Variants in FOXP4 observed in about 807,000 individuals in gnomAD.
FOXP4 encodes forkhead box P4, also known as forkhead box protein P4.
FOXP4 carries 25 observed loss-of-function variants against 82.6 expected under a neutral mutation model. The observed-to-expected ratio is 0.30, with a 90% CI of 0.22 to 0.42. FOXP4 has a LOEUF of 0.42. Among genes scored for constraint, FOXP4 ranks in the 10% least tolerant of loss-of-function variants. The probability of loss-of-function intolerance (pLI) is 1.00; values close to 1 mark genes in which losing one functional copy is unlikely to be tolerated. For missense variants in FOXP4, 785 were observed against 900.9 expected, an observed-to-expected ratio of 0.87 and a Z score of 1.65; for synonymous variants, 415 against 388.2, an observed-to-expected ratio of 1.07 and a Z score of -0.81.
In FOXP4 at chr6:41,555,710, G is replaced by T. The variant is rs1764238358; in HGVS notation, c.-17+8843G>T. On this transcript the variant is annotated intron_variant, in intron 1 of 16. Coordinates refer to ENST00000307972, the MANE Select transcript of FOXP4 (RefSeq NM_001012426.2). ...CCAAACTTGGCATTCGGCTCCTCTT[G>T]CCCTCATCTTTCCCAGCTCCGAATC... Among the ~76,000 whole-genome samples the T allele has an allele frequency of 2.6e-5, 4 of 152,160 alleles. No individual in the cohort carries two copies. The South Asian group carries it at 8.3e-4, about 32-fold the overall frequency.
chr6:41,554,501 A>G (rs1261494310), intron 1 of FOXP4, among the ~76,000 whole-genome samples: 2 of 152,200 alleles, frequency 1.3e-5, no homozygotes, highest in Non-Finnish European at 2.9e-5. Context: ...CAGCTTTGAC[A>G]TGGAGATTCA....
At chr6:41,575,600 C>G (rs1765436560) in intron 2 of FOXP4, among the ~76,000 whole-genome samples, 1 of 152,140 alleles carries the variant, frequency 6.6e-6, no homozygotes, top group Non-Finnish European at 1.5e-5. Flanking sequence ...AGGAATGAGA[C>G]TGCAAGGCCT....
chr6:41,566,735 C>A (rs1322448548), intron 2 of FOXP4, among the ~76,000 whole-genome samples: 1 of 152,190 alleles, frequency 6.6e-6, no homozygotes, highest in Non-Finnish European at 1.5e-5. Context: ...ACAGCCCTGG[C>A]CTTGGGATTC....
chr6:41,590,569 GTTC>G (rs1249205490), intron 12 of FOXP4, among the ~76,000 whole-genome samples: 10 of 152,230 alleles, frequency 6.6e-5, no homozygotes, highest in African/African-American at 9.6e-5. Flanking sequence ...TGCACACACT[GTTC>G]TTCTTACTGA....
intron 3 of FOXP4, among the ~76,000 whole-genome samples, chr6:41,582,761 G>A (rs928057290): frequency 6.6e-6 from 1 of 152,160 alleles, no homozygotes; most frequent in Non-Finnish European, 1.5e-5. Flanking sequence ...GGCTTTCAGA[G>A]AGTCCTTCTA....
At chr6:41,560,213 A>C (rs1764489641) in intron 1 of FOXP4, among the ~76,000 whole-genome samples, 1 of 152,098 alleles carries the variant, frequency 6.6e-6, no homozygotes, top group South Asian at 2.1e-4. Context: ...AGGGAGGATC[A>C]CTTGAGCCCA....
chr6:41,568,425 G>T (rs1765003518), intron 2 of FOXP4, among the ~76,000 whole-genome samples: 1 of 152,244 alleles, frequency 6.6e-6, no homozygotes, highest in Admixed American at 6.5e-5. Flanking sequence ...TCAGGGCTCA[G>T]CACACCTGCC....
chr6:41,584,705 C>G, intron 3 of FOXP4, 64 bp from the exon 4 acceptor site: 1 of 1,506,038 alleles, frequency 6.6e-7, no homozygotes, highest in South Asian at 1.3e-5. Context: ...AGAGTGGGGC[C>G]CTGGGTGGTG....
intron 1 of FOXP4, among the ~76,000 whole-genome samples, chr6:41,559,629 G>A (rs114881054): frequency 0.012 from 1,822 of 152,280 alleles, 26 homozygotes; most frequent in African/African-American, 0.039. Context: ...GTTCAGTAGC[G>A]TCCACATTTC....
intron 13 of FOXP4, among the ~76,000 whole-genome samples, chr6:41,592,028 G>A (rs1305620174): frequency 2.0e-5 from 3 of 151,970 alleles, no homozygotes; most frequent in Non-Finnish European, 4.4e-5. Flanking sequence ...TCTCAAGGTG[G>A]GAAGGTGATA....
At chr6:41,571,661 C>A (rs1765207202) in intron 2 of FOXP4, among the ~76,000 whole-genome samples, 1 of 152,178 alleles carries the variant, frequency 6.6e-6, no homozygotes, top group African/African-American at 2.4e-5. Flanking sequence ...AAATTTACAG[C>A]CTTTTCCAAA....
At chr6:41,596,028 G>C (rs2127406622) in intron 14 of FOXP4, among the ~76,000 whole-genome samples, 1 of 152,294 alleles carries the variant, frequency 6.6e-6, no homozygotes, top group East Asian at 1.9e-4. Context: ...CTCCCGAGAA[G>C]CTGAAATTAC....
At chr6:41,573,268 C>T (rs1171671110) in intron 2 of FOXP4, among the ~76,000 whole-genome samples, 2 of 152,096 alleles carry the variant, frequency 1.3e-5, no homozygotes, top group East Asian at 3.9e-4. Context: ...ACCCCGAATT[C>T]CCAGAACCAG....
At chr6:41,579,706 A>G (rs946966771) in intron 3 of FOXP4, among the ~76,000 whole-genome samples, 5 of 152,228 alleles carry the variant, frequency 3.3e-5, no homozygotes, top group Non-Finnish European at 5.9e-5. Flanking sequence ...TCAGAGTCAG[A>G]AAGACAGATA....
At chr6:41,589,650 A>G (rs1462909246) in intron 9 of FOXP4, 121 bp from the exon 10 acceptor site, 17 of 973,642 alleles carry the variant, frequency 1.7e-5, no homozygotes, top group Non-Finnish European at 2.3e-5. Context: ...ATGCTGAGGC[A>G]AGGAGGCGAA....
chr6:41,590,265 C>T lies in FOXP4; in HGVS notation c.1358-6C>T, dbSNP rs1766429007. 6.2e-7 allele frequency: 1 copy of T among 1,614,010 alleles called. No individual in the cohort carries two copies. On this transcript the variant is annotated splice_polypyrimidine_tract_variant and splice_region_variant and intron_variant, in intron 11 of 16. Coordinates refer to ENST00000307972, the MANE Select transcript of FOXP4 (RefSeq NM_001012426.2). ...TGGCTACCTCATCCTCTGCCTGTCT[C>T]CCCAGAGCTGGCCCAGAATCATGAG...
At chr6:41,597,731 T>C (rs1426241213) in intron 15 of FOXP4, 50 bp from the exon 16 acceptor site, 1 of 1,579,002 alleles carries the variant, frequency 6.3e-7, no homozygotes, top group Admixed American at 1.8e-5. Context: ...TGACTGAGTG[T>C]GCCCCATCCT....
In FOXP4 at chr6:41,558,193, A is replaced by T. The variant is rs1008420626; in HGVS notation, c.-16-7552A>T. On this transcript the variant is annotated intron_variant, in intron 1 of 16. Transcript: ENST00000307972. The surrounding 1 kb of genome is among the most constrained non-coding windows in gnomAD (Gnocchi z 4.0). Reference sequence around the variant, plus strand: ...GGAGAGGGATTAAGCCTACTCTCGAACTCACAGAGCCCCATGTGTTTGGGG... The same window carrying T: ...GGAGAGGGATTAAGCCTACTCTCGATCTCACAGAGCCCCATGTGTTTGGGG... 6.6e-6 allele frequency among the ~76,000 whole-genome samples: 1 copy of T among 152,114 alleles called. No homozygotes were observed. Among genetic ancestry groups the T allele is most frequent in the African/African-American group, 2.4e-5 (1 of 41,412 alleles).
chr6:41,598,994 C>A lies in FOXP4; in HGVS notation c.*58C>A. 1 of 1,473,904 alleles carries A rather than the reference C, an allele frequency of 6.8e-7. No homozygotes were observed. Among genetic ancestry groups the A allele is most frequent in the South Asian group, 1.4e-5 (1 of 69,936 alleles). 91.3% of individuals were successfully genotyped at this position (1,473,904 alleles called of 1,614,324 possible). Reference sequence around the variant, plus strand: ...ACCCCTCCCTTCCAGAATCCAGGCCCCATCTCCCCCAACTCCACAGCCCCT... The same window carrying A: ...ACCCCTCCCTTCCAGAATCCAGGCCACATCTCCCCCAACTCCACAGCCCCT... On this transcript the variant is annotated 3_prime_UTR_variant, in exon 17 of 17. Transcript: ENST00000307972.
Sources: gnomAD v4.1 joint callset for allele counts (sites outside exome capture counted in the v4.1 genomes callset) on GRCh38, gnomAD v4.1.1 for gene constraint, Gnocchi (gnomAD v3.1) non-coding constraint, MANE v1.5 for transcripts, NCBI Gene and HGNC (gene_info 2026-07-23, HGNC 2026-07-21) for gene names.